ARHGAP24: variants seen among roughly 807,000 people sequenced by gnomAD.
ARHGAP24 encodes the protein Rho GTPase activating protein 24, also known as rho GTPase-activating protein 24.
ARHGAP24 carries 50 observed loss-of-function variants against 76.4 expected under a neutral mutation model. The ratio of observed to expected loss-of-function variants is 0.65; its 90% CI spans 0.52 to 0.83. The LOEUF (loss-of-function observed/expected upper bound fraction) is 0.83, where lower values mean the gene tolerates loss of function less well. Among genes scored for constraint, ARHGAP24 ranks in the 40% least tolerant of loss-of-function variants. The pLI, the probability that ARHGAP24 is intolerant of heterozygous loss-of-function variation, is 0.00. For synonymous variants in ARHGAP24, 345 were observed against 323.3 expected, an observed-to-expected ratio of 1.07 and a Z score of -0.72; for missense variants, 930 against 914.2, an observed-to-expected ratio of 1.02 and a Z score of -0.22.
In ARHGAP24 at chr4:85,691,590, GA is replaced by G. The variant is rs1723664046; in HGVS notation, c.181-30294del. Among the ~76,000 whole-genome samples, 3 of 152,064 alleles carry G rather than the reference GA, an allele frequency of 2.0e-5. No homozygotes were observed. The South Asian group carries it at 6.2e-4, about 32-fold the overall frequency. ...TGGATTGTACCTTTTATCATTACGCGATGCCCTTCTTTGTCCTTCTTAATTG... is the reference window on the plus strand; with the variant it reads ...TGGATTGTACCTTTTATCATTACGCGTGCCCTTCTTTGTCCTTCTTAATTG... On this transcript the variant is annotated intron_variant, in intron 2 of 9. Coordinates refer to ENST00000395184, the MANE Select transcript of ARHGAP24 (RefSeq NM_001025616.3).
intron 2 of ARHGAP24, among the ~76,000 whole-genome samples, chr4:85,586,538 T>G (rs968421386): frequency 1.6e-4 from 25 of 152,244 alleles, no homozygotes; most frequent in Middle Eastern, 6.8e-3. Context: ...CATCTATCAT[T>G]TGATAGAAAA....
At chr4:85,644,674 A>G (rs1227394967) in intron 2 of ARHGAP24, among the ~76,000 whole-genome samples, 1 of 152,172 alleles carries the variant, frequency 6.6e-6, no homozygotes, top group Non-Finnish European at 1.5e-5. Flanking sequence ...AATTAATGAT[A>G]ATGACATGTA....
chr4:85,487,088 C>A (rs529305224), intron 1 of ARHGAP24, among the ~76,000 whole-genome samples: 42 of 148,736 alleles, frequency 2.8e-4, no homozygotes, highest in African/African-American at 9.9e-4. Context: ...TCTTAAAATT[C>A]ATTTCTTTCT....
intron 1 of ARHGAP24, among the ~76,000 whole-genome samples, chr4:85,508,604 A>G (rs907001641): frequency 2.6e-5 from 4 of 152,166 alleles, no homozygotes; most frequent in African/African-American, 9.7e-5. Context: ...ATCTTGTGTA[A>G]TATTTTTCCC....
At chr4:85,544,086 T>G (rs1725812361) in intron 1 of ARHGAP24, among the ~76,000 whole-genome samples, 1 of 152,192 alleles carries the variant, frequency 6.6e-6, no homozygotes, top group Admixed American at 6.5e-5. Context: ...TTGCCTCTCA[T>G]CTAAATGATG....
intron 2 of ARHGAP24, among the ~76,000 whole-genome samples, chr4:85,686,090 C>T (rs969542723): frequency 1.2e-4 from 18 of 152,164 alleles, no homozygotes; most frequent in African/African-American, 3.6e-4. Context: ...TGGTAGTTTT[C>T]CCTGGAGGAT....
At chr4:85,683,618 G>T (rs1289694947) in intron 2 of ARHGAP24, among the ~76,000 whole-genome samples, 1 of 149,080 alleles carries the variant, frequency 6.7e-6, no homozygotes, top group African/African-American at 2.5e-5. Flanking sequence ...GTATTTTATT[G>T]TGATAACAGA....
At chr4:85,542,548 T>C (rs1249594889) in intron 1 of ARHGAP24, among the ~76,000 whole-genome samples, 1 of 152,240 alleles carries the variant, frequency 6.6e-6, no homozygotes, top group Admixed American at 6.5e-5. Flanking sequence ...ATCTATGCTT[T>C]TCATATGTAT....
rs192447401 is a variant in ARHGAP24, at chr4:85,770,860, A to G, written c.268+48888A>G. Among the ~76,000 whole-genome samples, 36 of 152,306 alleles carry G rather than the reference A, an allele frequency of 2.4e-4. No homozygotes were observed. In the East Asian group the frequency reaches 5.8e-3, roughly 24 times the overall value. On this transcript the variant is annotated intron_variant, in intron 3 of 9. Coordinates refer to ENST00000395184, the MANE Select transcript of ARHGAP24 (RefSeq NM_001025616.3). ...AACCCAGTAAGGAAACTTTCCATAT[A>G]AGAATGTCCTCACCTCAGAGAACGT...
intron 3 of ARHGAP24, among the ~76,000 whole-genome samples, chr4:85,854,605 T>C (rs1044599480): frequency 2.0e-5 from 3 of 152,208 alleles, no homozygotes; most frequent in East Asian, 3.8e-4. Context: ...TCTTGCTCTT[T>C]TCATTTTTCT....
intron 2 of ARHGAP24, among the ~76,000 whole-genome samples, chr4:85,624,207 A>T (rs376901843): frequency 6.6e-6 from 1 of 152,120 alleles, no homozygotes; most frequent in Non-Finnish European, 1.5e-5. Flanking sequence ...ATTCAGTATG[A>T]TATTGGCTGT....
chr4:85,930,818 A>C (rs1736286388), intron 4 of ARHGAP24: 2 of 1,557,832 alleles, frequency 1.3e-6, no homozygotes, highest in Non-Finnish European at 1.7e-6. Context: ...AATTCTAGGG[A>C]TCAGCACTTC....
At chr4:85,588,506 G>A (rs543629855) in intron 2 of ARHGAP24, among the ~76,000 whole-genome samples, 49 of 152,158 alleles carry the variant, frequency 3.2e-4, no homozygotes, top group African/African-American at 1.1e-3. Context: ...CTATTAGCTC[G>A]CCTGTCTTAT....
intron 9 of ARHGAP24, among the ~76,000 whole-genome samples, chr4:85,996,506 T>G (rs1335295310): frequency 6.6e-6 from 1 of 152,186 alleles, no homozygotes; most frequent in African/African-American, 2.4e-5. Flanking sequence ...CTCAGTTGGT[T>G]GTTAAGTTGG....
rs538982559 is a variant in ARHGAP24 at position 85,519,233 on chromosome 4, C to G, written c.-21+43674C>G. The stretch of plus-strand genomic sequence containing the variant: ...TGATCATGTTTTTTTCCTCAATTCC[C>G]CTTTGGTGCCACACATTAGTAGGTG... On this transcript the variant is annotated intron_variant, in intron 1 of 9. Coordinates refer to ENST00000395184, the MANE Select transcript of ARHGAP24 (RefSeq NM_001025616.3). Among the ~76,000 whole-genome samples the G allele has an allele frequency of 1.2e-4, 18 of 152,168 alleles. No individual in the cohort carries two copies. In the East Asian group the frequency reaches 3.3e-3, roughly 28 times the overall value.
intron 1 of ARHGAP24, among the ~76,000 whole-genome samples, chr4:85,506,684 C>A (rs1297292415): frequency 6.6e-6 from 1 of 152,182 alleles, no homozygotes; most frequent in Non-Finnish European, 1.5e-5. Context: ...GGAAATCCAC[C>A]AACCCCTTGC....
chr4:85,696,594 G>T (rs1272733212), intron 2 of ARHGAP24, among the ~76,000 whole-genome samples: 1 of 152,028 alleles, frequency 6.6e-6, no homozygotes, highest in African/African-American at 2.4e-5. Context: ...TAATGCTTTT[G>T]TATTATTTTA....
intron 1 of ARHGAP24, among the ~76,000 whole-genome samples, chr4:85,492,908 C>T (rs905956672): frequency 6.6e-6 from 1 of 152,070 alleles, no homozygotes; most frequent in Admixed American, 6.5e-5. Flanking sequence ...AGAGACAAAC[C>T]GAAATCATAC....
At chr4:85,665,534 T>A (rs1722579010) in intron 2 of ARHGAP24, among the ~76,000 whole-genome samples, 1 of 152,210 alleles carries the variant, frequency 6.6e-6, no homozygotes. Context: ...AATATTGTGA[T>A]GTGTGAATTT....
Sources: allele counts gnomAD v4.1 joint callset (sites outside exome capture counted in the v4.1 genomes callset), GRCh38; gene constraint gnomAD v4.1.1; transcripts MANE v1.5; gene names NCBI Gene and HGNC (gene_info 2026-07-23, HGNC 2026-07-21).